Variants in PPP4R1 observed in about 807,000 individuals in gnomAD.
PPP4R1 encodes the protein protein phosphatase 4 regulatory subunit 1.
A neutral mutation model predicts 111.2 loss-of-function variants in PPP4R1; 42 were observed. The ratio of observed to expected loss-of-function variants is 0.38; its 90% confidence interval spans 0.29 to 0.49. The LOEUF (loss-of-function observed/expected upper bound fraction) is 0.49, where lower values mean the gene tolerates loss of function less well. Ranked by LOEUF, PPP4R1 falls within the 20% of genes least tolerant of loss-of-function variation. The pLI is 0.97. For synonymous variants in PPP4R1, 409 were observed against 405.5 expected, an observed-to-expected ratio of 1.01 and a Z score of -0.10; for missense variants, 1,012 against 1,161.6, an observed-to-expected ratio of 0.87 and a Z score of 1.87.
At chr18:9,604,380 A>G (rs76320993) in intron 2 of PPP4R1, among the ~76,000 whole-genome samples, 1,848 of 151,300 alleles carry the variant, frequency 0.012, 49 homozygotes, top group African/African-American at 0.042. Context: ...CTACCATTCC[A>G]CCCCCTGATA....
intron 2 of PPP4R1, among the ~76,000 whole-genome samples, chr18:9,604,097 A>C (rs1158992957): frequency 6.6e-6 from 1 of 152,248 alleles, no homozygotes; most frequent in Admixed American, 6.5e-5. Flanking sequence ...TATTTATAAT[A>C]CATTAGAAAT....
intron 3 of PPP4R1, chr18:9,594,802 A>ATT (rs71168074): frequency 0.015 from 5,865 of 393,860 alleles, 4 homozygotes; most frequent in East Asian, 0.023. Flanking sequence ...ATTAATGGTA[A>ATT]TTTTTTTTTT....
chr18:9,595,181 A>G (rs1313673005), intron 2 of PPP4R1, 28 bp from the exon 3 acceptor site: 10 of 1,606,172 alleles, frequency 6.2e-6, no homozygotes, highest in South Asian at 3.3e-5. Flanking sequence ...AATACTCCTT[A>G]TAACACTTTG....
At chr18:9,561,036 G>C (rs372055059) in intron 13 of PPP4R1, among the ~76,000 whole-genome samples, 1 of 151,110 alleles carries the variant, frequency 6.6e-6, no homozygotes, top group Non-Finnish European at 1.5e-5. Context: ...TGGCCAACAC[G>C]GCGAAACACT....
At chr18:9,604,935 T>C (rs1332505298) in intron 2 of PPP4R1, among the ~76,000 whole-genome samples, 3 of 152,224 alleles carry the variant, frequency 2.0e-5, no homozygotes, top group African/African-American at 7.2e-5. Context: ...CTCTAAGATA[T>C]TCACAAGCAC....
intron 2 of PPP4R1, among the ~76,000 whole-genome samples, chr18:9,609,578 AAG>A (rs1300050885): frequency 1.3e-5 from 2 of 152,234 alleles, no homozygotes. Context: ...AATATGAAAA[AAG>A]TCTGTTGTAT....
rs981803299 is a variant in PPP4R1 at position 9,607,343 on chromosome 18, A to G, written c.52+6883T>C. ...GCCATTACACTCCAGCCTGGGCAAC[A>G]GAGCCAGACCCTGTCTCAAAAAAAA... On this transcript the variant is annotated intron_variant, in intron 2 of 19. Coordinates refer to ENST00000400556, the MANE Select transcript of PPP4R1 (RefSeq NM_001042388.3). Among the ~76,000 whole-genome samples, 6 of 146,978 alleles carry G rather than the reference A, an allele frequency of 4.1e-5. No homozygotes were observed. In the South Asian group the frequency reaches 6.5e-4, roughly 16 times the overall value.
At chr18:9,548,071 C>G (rs535546143) in intron 19 of PPP4R1, 119 bp from the exon 20 acceptor site, 2 of 1,010,898 alleles carry the variant, frequency 2.0e-6, no homozygotes, top group Non-Finnish European at 2.8e-6. Flanking sequence ...ACAAGCCACA[C>G]TGAAACATAA....
At chr18:9,575,472 C>A (rs907434641) in intron 10 of PPP4R1, among the ~76,000 whole-genome samples, 1 of 152,114 alleles carries the variant, frequency 6.6e-6, no homozygotes, top group African/African-American at 2.4e-5. Context: ...TAACATAACT[C>A]CTTCCTTAGC....
chr18:9,583,084 A>G, intron 9 of PPP4R1, 33 bp downstream of exon 9: 2 of 1,547,148 alleles, frequency 1.3e-6, no homozygotes, highest in Non-Finnish European at 1.8e-6. Context: ...ACACAAATGT[A>G]TTATTTTACA....
At chr18:9,568,908 G>A (rs1326915193) in intron 11 of PPP4R1, among the ~76,000 whole-genome samples, 1 of 152,022 alleles carries the variant, frequency 6.6e-6, no homozygotes, top group Admixed American at 6.6e-5. Context: ...GGTGGCGCAC[G>A]CCTGTAGTCC....
At chr18:9,591,328 CAG>C (rs1568118125) in intron 4 of PPP4R1, among the ~76,000 whole-genome samples, 1 of 149,150 alleles carries the variant, frequency 6.7e-6, no homozygotes, top group African/African-American at 2.5e-5. Flanking sequence ...GCCTGGGTGA[CAG>C]AGTGAGACTC....
intron 18 of PPP4R1, chr18:9,549,830 G>A (rs1298765586): frequency 1.6e-6 from 1 of 623,368 alleles, no homozygotes; most frequent in Admixed American, 3.0e-5. Context: ...GGCACGTGGG[G>A]TGTGTGTGGT....
In PPP4R1 at chr18:9,566,648, G is replaced by GACACACAC. The variant is rs56772611; in HGVS notation, c.1574-3106_1574-3099dup. On this transcript the variant is annotated intron_variant, in intron 11 of 19. Transcript: ENST00000400556. ...CCTGGGTGACGGAGTGAGGCGCTGT[G>GACACACAC]ACACACACACACACACACACACACA... 2.2e-3 allele frequency among the ~76,000 whole-genome samples: 319 copies of GACACACAC among 144,222 alleles called. 1 individual carries two copies. Among genetic ancestry groups the GACACACAC allele is most frequent in the Middle Eastern group, 7.2e-3 (2 of 276 alleles). The allele number at this position is 144,222 out of a possible 152,430, so 94.6% of individuals were successfully genotyped here.
rs1361319802 is a variant in PPP4R1, at chr18:9,583,156, T to C, written c.879A>G (p.Ser293=). 3.1e-6 allele frequency: 5 copies of C among 1,612,022 alleles called. No individual in the cohort carries two copies. ...TCQEIRRTKL[S]ALFINLISDP... ...CACTGATCAAATTAATAAAAAGTGC[T>C]GATAATTTGGTCCGTCGGATTTCTT... The change falls in exon 9 of 20, where the codon TCA becomes TCG. Residue 293 remains serine, a synonymous_variant. Coordinates refer to ENST00000400556, the MANE Select transcript of PPP4R1 (RefSeq NM_001042388.3).
intron 11 of PPP4R1, among the ~76,000 whole-genome samples, chr18:9,565,174 G>A (rs1451961833): frequency 6.6e-6 from 1 of 152,132 alleles, no homozygotes; most frequent in Non-Finnish European, 1.5e-5. Context: ...ATCCGCTATG[G>A]TGATCTGTGA....
chr18:9,572,943 C>T (rs905305507), intron 10 of PPP4R1, among the ~76,000 whole-genome samples: 4 of 152,182 alleles, frequency 2.6e-5, no homozygotes, highest in Non-Finnish European at 4.4e-5. Flanking sequence ...TTCTTACTCT[C>T]GCACTGGCAC....
At chr18:9,594,122 G>A (rs1191653885) in intron 3 of PPP4R1, 2 of 287,178 alleles carry the variant, frequency 7.0e-6, no homozygotes, top group Non-Finnish European at 1.3e-5. Flanking sequence ...TAGAGATGCT[G>A]TTTCACCATG....
At chr18:9,564,697 G>GT (rs2066731945) in intron 11 of PPP4R1, among the ~76,000 whole-genome samples, 2 of 93,492 alleles carry the variant, frequency 2.1e-5, no homozygotes, top group Non-Finnish European at 2.3e-5. Flanking sequence ...TAAAGTGCAT[G>GT]GTGTGTGTGT....
Sources: allele counts gnomAD v4.1 joint callset (sites outside exome capture counted in the v4.1 genomes callset), GRCh38; gene constraint gnomAD v4.1.1; transcripts MANE v1.5; gene names NCBI Gene and HGNC (gene_info 2026-07-23, HGNC 2026-07-21).